PASK: variants seen among roughly 807,000 people sequenced by gnomAD.
PASK encodes the protein PAS domain-containing serine/threonine-protein kinase.
In PASK, 110 loss-of-function variants were observed where a neutral mutation model predicts 121.0. The ratio of observed to expected loss-of-function variants is 0.91; its 90% confidence interval spans 0.78 to 1.06. The LOEUF is 1.06. PASK is among the 50% of genes least tolerant of loss of function. The pLI is 0.00. For missense variants in PASK, 1,643 were observed against 1,702.3 expected, an observed-to-expected ratio of 0.97 and a Z score of 0.61; for synonymous variants, 686 against 717.8, an observed-to-expected ratio of 0.96 and a Z score of 0.71.
In PASK at chr2:241,137,830, C is replaced by T. The variant is rs559917408; in HGVS notation, c.876+123G>A. ...GCCTCAGCGCACAGGAAGCTCAAAACTGAGCATGTCCCACCCCTAAGGCCA... is the reference window on the plus strand; with the variant it reads ...GCCTCAGCGCACAGGAAGCTCAAAATTGAGCATGTCCCACCCCTAAGGCCA... On this transcript the variant is annotated intron_variant, in intron 6 of 17. Transcript: ENST00000234040. 12 of 1,052,250 alleles carry T rather than the reference C, an allele frequency of 1.1e-5. No individual in the cohort carries two copies. The South Asian group carries it at 1.5e-4, about 13-fold the overall frequency. 65.2% of individuals were successfully genotyped at this position (1,052,250 alleles called of 1,614,324 possible).
chr2:241,114,856 C>CG, intron 14 of PASK, 187 bp downstream of exon 14: 1 of 1,501,272 alleles, frequency 6.7e-7, no homozygotes, highest in Non-Finnish European at 8.8e-7. Context: ...CCTTCCCAAC[C>CG]TCACTTTCTC....
chr2:241,113,170 TCTGA>T (rs1447108406), intron 14 of PASK: 12 of 152,532 alleles, frequency 7.9e-5, no homozygotes, highest in Admixed American at 7.2e-4. Flanking sequence ...GAATTAAACG[TCTGA>T]CTGTCATAAT....
chr2:241,138,597 A>G, intron 5 of PASK, 57 bp downstream of exon 5: 2 of 1,599,366 alleles, frequency 1.3e-6, no homozygotes, highest in South Asian at 2.2e-5. Flanking sequence ...CTTGCTGAAG[A>G]GGAGAACGAC....
At chr2:241,115,786 G>A (rs1391376892) in intron 12 of PASK, among the ~76,000 whole-genome samples, 1 of 148,016 alleles carries the variant, frequency 6.8e-6, no homozygotes, top group African/African-American at 2.5e-5. Flanking sequence ...TTACGCCAGG[G>A]CCACCCGGTC....
At chr2:241,107,281 A>C in intron 17 of PASK, 72 bp downstream of exon 17, 1 of 1,373,572 alleles carries the variant, frequency 7.3e-7, no homozygotes, top group East Asian at 2.3e-5. Context: ...CTTTTGACCT[A>C]GGAAGGCAGC....
chr2:241,112,142 G>A lies in PASK; in HGVS notation c.3533+98C>T. 1.1e-6 allele frequency: 1 copy of A among 913,014 alleles called. No individual in the cohort carries two copies. Among genetic ancestry groups the A allele is most frequent in the Non-Finnish European group, 1.8e-6 (1 of 551,010 alleles). 56.6% of individuals were successfully genotyped at this position (913,014 alleles called of 1,614,324 possible). A position where few individuals can be genotyped will look rare whatever the true frequency, so the allele number is the denominator to read the frequency against. On this transcript the variant is annotated intron_variant, in intron 15 of 17. Transcript: ENST00000234040. The surrounding 1 kb of genome is among the most constrained non-coding windows in gnomAD (Gnocchi z 5.2). The stretch of plus-strand genomic sequence containing the variant: ...CTGACCACTCAACACTCATCACAAA[G>A]AGGCACAAAGGAAGCCATTTTCCCA...
At chr2:241,129,722 G>A (rs564807224) in intron 9 of PASK, among the ~76,000 whole-genome samples, 7 of 152,338 alleles carry the variant, frequency 4.6e-5, no homozygotes, top group South Asian at 2.1e-4. Context: ...GCCAGGCATC[G>A]CCACGCCACT....
chr2:241,134,549 C>T (rs972806542), intron 8 of PASK: 1 of 152,202 alleles, frequency 6.6e-6, no homozygotes, highest in Non-Finnish European at 1.5e-5. Flanking sequence ...GAGTGTCTGA[C>T]GGTAAATGTT....
Position 241,108,596 on chromosome 2 carries a change from G to T in PASK, c.3534-296C>A. 3 of 473,928 alleles carry T rather than the reference G, an allele frequency of 6.3e-6. No individual in the cohort carries two copies. The highest frequency in any genetic ancestry group is 6.0e-5 in the South Asian group (3 of 49,762). 29.4% of individuals were successfully genotyped at this position (473,928 alleles called of 1,614,324 possible). A position where few individuals can be genotyped will look rare whatever the true frequency, so the allele number is the denominator to read the frequency against. On this transcript the variant is annotated intron_variant, in intron 15 of 17. Coordinates refer to ENST00000234040, the MANE Select transcript of PASK (RefSeq NM_015148.4). This position sits in a 1 kb window ranked among gnomAD's most constrained non-coding sequence, Gnocchi z 5.2. ...TGTCTACCAGAGGGGGGAGCGGGGG[G>T]AGGGCTTCCTGGAGGAAGCAGAGTA...
At chr2:241,147,987 A>G (rs2067046914) in intron 1 of PASK, among the ~76,000 whole-genome samples, 1 of 152,128 alleles carries the variant, frequency 6.6e-6, no homozygotes, top group Non-Finnish European at 1.5e-5. Context: ...CCTCCCGTGC[A>G]CTCCACAGCC....
At chr2:241,138,477 G>C (rs765003123) in intron 5 of PASK, among the ~76,000 whole-genome samples, 177 bp downstream of exon 5, 5 of 152,234 alleles carry the variant, frequency 3.3e-5, no homozygotes, top group Non-Finnish European at 7.3e-5. Flanking sequence ...TGAAGTATAG[G>C]AAGTTCGTTC....
intron 12 of PASK, chr2:241,118,842 C>T (rs2125414219): frequency 1.3e-6 from 1 of 756,942 alleles, no homozygotes; most frequent in Non-Finnish European, 1.7e-6. Flanking sequence ...ACACACCCCG[C>T]ACCCGGTGGA....
chr2:241,142,947 G>A lies in PASK; in HGVS notation c.86C>T (p.Pro29Leu). The change falls in exon 2 of 18, where the codon CCA (proline) becomes CTA (leucine). Residue 29 changes from proline to leucine, a missense_variant. By Grantham distance (98) the Pro-to-Leu change is moderately conservative. This residue lies in a region of PASK where 1,176 missense variants were observed against 1,162.2 expected (regional missense o/e 1.01). Transcript: ENST00000234040. ...SLPLPVSAEG[P>L]AAQTTAEPSR... ...GGGCTCAGCAGTGGTCTGTGCAGCT[G>A]GGCCCTCTGCTGACACTGGCAAGGG... The A allele has an allele frequency of 6.2e-7, 1 of 1,613,628 alleles. No homozygotes were observed. The highest frequency in any genetic ancestry group is 8.5e-7 in the Non-Finnish European group (1 of 1,179,584).
Position 241,126,958 on chromosome 2 carries a change from C to A in PASK, c.1957G>T (p.Asp653Tyr), listed in dbSNP as rs140205085. The change falls in exon 10 of 18, where the codon GAC becomes TAC. Residue 653 changes from aspartate to tyrosine, a missense_variant. Asp to Tyr is a radical substitution (Grantham distance 160). Transcript: ENST00000234040. Reference sequence around the variant, plus strand: ...AAGCAGGTCTGCAGCTCTTCTCGGTCGTTTTCCACTCCCAGCCACGGCTCA... The same window carrying A: ...AAGCAGGTCTGCAGCTCTTCTCGGTAGTTTTCCACTCCCAGCCACGGCTCA... ...LDEPWLGVEN[D>Y]REELQTCLIK... The A allele has an allele frequency of 1.2e-6, 2 of 1,614,180 alleles. No individual in the cohort carries two copies. The highest frequency in any genetic ancestry group is 1.3e-5 in the African/African-American group (1 of 75,058).
intron 13 of PASK, 45 bp from the exon 14 acceptor site, chr2:241,115,222 A>G: frequency 3.7e-6 from 6 of 1,614,064 alleles, no homozygotes; most frequent in African/African-American, 1.3e-5. Flanking sequence ...AAACATCTTC[A>G]AGTCAACAAA....
intron 7 of PASK, among the ~76,000 whole-genome samples, chr2:241,136,510 T>C (rs2066443081): frequency 6.6e-6 from 1 of 152,114 alleles, no homozygotes; most frequent in African/African-American, 2.4e-5. Flanking sequence ...TGCCCATAGC[T>C]GTAATGCCAG....
rs752716483 is a variant in PASK, at chr2:241,126,289, CG to C, written c.2625del (p.Val876Ter). 4 of 1,614,198 alleles carry C rather than the reference CG, an allele frequency of 2.5e-6. No homozygotes were observed. On this transcript the variant is annotated frameshift_variant, in exon 10 of 18. Coordinates refer to ENST00000234040, the MANE Select transcript of PASK (RefSeq NM_015148.4). LOFTEE classifies it high-confidence loss of function. ...PRLNVQVTSTPVIVMRGAAGL... is the reference protein window; with the variant it reads ...PRLNVQVTSTXVIVMRGAAGL... ...CCAGCAGCCCCGCGCATCACGATCACGGGCGTGGAGGTGACCTGGACGTTCA... is the reference window on the plus strand; with the variant it reads ...CCAGCAGCCCCGCGCATCACGATCACGGCGTGGAGGTGACCTGGACGTTCA...
intron 15 of PASK, chr2:241,109,220 T>C (rs968628155): frequency 6.6e-6 from 1 of 152,580 alleles, no homozygotes; most frequent in Non-Finnish European, 1.5e-5. Flanking sequence ...GCATTTTACA[T>C]GGCTTAACCC....
intron 12 of PASK, among the ~76,000 whole-genome samples, chr2:241,116,073 A>G (rs1400270317): frequency 7.6e-6 from 1 of 131,166 alleles, no homozygotes; most frequent in African/African-American, 3.3e-5. Flanking sequence ...AGAGACACCC[A>G]GTCCTCCAGC....
Sources: gnomAD v4.1 joint callset for allele counts (sites outside exome capture counted in the v4.1 genomes callset) on GRCh38, gnomAD v4.1.1 for gene constraint, gnomAD v4.1.1 regional missense constraint, Gnocchi (gnomAD v3.1) non-coding constraint, MANE v1.5 for transcripts, NCBI Gene and HGNC (gene_info 2026-07-23, HGNC 2026-07-21) for gene names.